RAD51B: variants seen among roughly 807,000 people sequenced by gnomAD.
RAD51B encodes DNA repair protein RAD51 homolog 2.
Under a neutral mutation model 42.2 loss-of-function variants are expected in RAD51B, and 38 were observed. The ratio of observed to expected loss-of-function variants is 0.90; its 90% CI spans 0.70 to 1.18. RAD51B has a LOEUF of 1.18. Ranked by LOEUF, RAD51B falls within the 50% of genes most tolerant of loss-of-function variation. RAD51B has a pLI of 0.00. For synonymous variants in RAD51B, 154 were observed against 145.2 expected, an observed-to-expected ratio of 1.06 and a Z score of -0.43; for missense variants, 373 against 400.7, an observed-to-expected ratio of 0.93 and a Z score of 0.59.
intron 3 of RAD51B, among the ~76,000 whole-genome samples, chr14:67,828,720 C>T (rs1237410223): frequency 6.6e-6 from 1 of 152,106 alleles, no homozygotes; most frequent in Non-Finnish European, 1.5e-5. Context: ...AGTCAGTTCT[C>T]CCAGCATCAT....
At chr14:68,278,393 A>G (rs1042255292) in intron 7 of RAD51B, among the ~76,000 whole-genome samples, 3 of 152,202 alleles carry the variant, frequency 2.0e-5, no homozygotes, top group Non-Finnish European at 2.9e-5. Flanking sequence ...TTATCCTTAA[A>G]AGAGGAATAA....
intron 8 of RAD51B, among the ~76,000 whole-genome samples, chr14:68,390,840 TAGAG>T (rs776168224): frequency 5.9e-5 from 9 of 152,326 alleles, no homozygotes; most frequent in Non-Finnish European, 1.3e-4. Context: ...CTGAGATACA[TAGAG>T]AAAGAGCGTC....
chr14:67,980,318 G>A (rs977019953), intron 7 of RAD51B, among the ~76,000 whole-genome samples: 4 of 152,126 alleles, frequency 2.6e-5, no homozygotes, highest in Non-Finnish European at 2.9e-5. Flanking sequence ...GCTGGCGGGC[G>A]CCTGTAATCC....
intron 8 of RAD51B, among the ~76,000 whole-genome samples, chr14:68,384,263 A>T (rs990757880): frequency 6.6e-6 from 1 of 152,100 alleles, no homozygotes; most frequent in Non-Finnish European, 1.5e-5. Flanking sequence ...TTTTAACCTT[A>T]TTTTCTTCCG....
At chr14:67,935,375 T>G (rs894789197) in intron 7 of RAD51B, among the ~76,000 whole-genome samples, 4 of 152,148 alleles carry the variant, frequency 2.6e-5, no homozygotes, top group African/African-American at 9.7e-5. Context: ...TTAAAAAAGT[T>G]TTTTTTTCAG....
chr14:68,596,091 T>A (rs1056412174), downstream of RAD51B: 2 of 998,234 alleles, frequency 2.0e-6, no homozygotes, highest in African/African-American at 3.4e-5. Flanking sequence ...ATTCTCCATT[T>A]TATATTGGAG....
chr14:67,825,944 G>T (rs1459817113), intron 3 of RAD51B, among the ~76,000 whole-genome samples: 1 of 151,962 alleles, frequency 6.6e-6, no homozygotes, highest in African/African-American at 2.4e-5. Flanking sequence ...TGGCCAGGCT[G>T]GTCTCAAACT....
At chr14:68,136,210 A>C (rs1304287696) in intron 7 of RAD51B, among the ~76,000 whole-genome samples, 2 of 152,320 alleles carry the variant, frequency 1.3e-5, no homozygotes, top group East Asian at 1.9e-4. Context: ...TTTAATTTTT[A>C]GTTAAATTAT....
intron 10 of RAD51B, chr14:68,469,108 C>T: frequency 1.9e-6 from 1 of 514,456 alleles, no homozygotes; most frequent in South Asian, 1.4e-5. Context: ...GAGACCCCAA[C>T]CACAGAGATG....
intron 2 of RAD51B, among the ~76,000 whole-genome samples, chr14:67,825,244 T>A (rs191668093): frequency 2.0e-5 from 3 of 152,334 alleles, no homozygotes; most frequent in Non-Finnish European, 4.4e-5. Context: ...TCCTCTGGTA[T>A]ATGCCAACTA....
intron 6 of RAD51B, 95 bp from the exon 7 acceptor site, chr14:67,886,926 G>A (rs753966480): frequency 3.7e-4 from 287 of 772,098 alleles, no homozygotes; most frequent in Non-Finnish European, 5.2e-4. Context: ...GGAAAGAATA[G>A]TTTATTGTTT....
chr14:68,330,741 T>C (rs2082331395), intron 8 of RAD51B, among the ~76,000 whole-genome samples: 1 of 152,062 alleles, frequency 6.6e-6, no homozygotes, highest in African/African-American at 2.4e-5. Flanking sequence ...AATAATAAAA[T>C]ATAGGATTTT....
chr14:68,041,563 C>A (rs1182908552), intron 7 of RAD51B, among the ~76,000 whole-genome samples: 1 of 145,752 alleles, frequency 6.9e-6, no homozygotes, highest in Non-Finnish European at 1.5e-5. Context: ...TTTATACTCT[C>A]TTTTTTTTTT....
chr14:68,550,906 TA>T (rs1428479838), intron 10 of RAD51B, among the ~76,000 whole-genome samples: 1 of 152,204 alleles, frequency 6.6e-6, no homozygotes, highest in Non-Finnish European at 1.5e-5. Flanking sequence ...GAGGCATTTA[TA>T]ACCATGAAGA....
intron 9 of RAD51B, among the ~76,000 whole-genome samples, chr14:68,434,458 C>A (rs1339133234): frequency 6.6e-6 from 1 of 152,242 alleles, no homozygotes; most frequent in South Asian, 2.1e-4. Flanking sequence ...TGCCTCTCCC[C>A]CAGCCTCGCT....
intron 7 of RAD51B, among the ~76,000 whole-genome samples, chr14:68,023,414 G>A (rs941815849): frequency 5.9e-5 from 9 of 152,034 alleles, no homozygotes; most frequent in East Asian, 5.8e-4. Flanking sequence ...TGCAACCTCC[G>A]CCTCCCAGGT....
chr14:68,443,768 C>T (rs530052480), intron 9 of RAD51B, among the ~76,000 whole-genome samples: 1 of 151,972 alleles, frequency 6.6e-6, no homozygotes, highest in Non-Finnish European at 1.5e-5. Context: ...GGGACACCAA[C>T]TTTGCCTAGC....
chr14:68,537,070 G>T (rs1887664178), intron 10 of RAD51B, among the ~76,000 whole-genome samples: 1 of 136,712 alleles, frequency 7.3e-6, no homozygotes, highest in Non-Finnish European at 1.5e-5. Context: ...TCCAGCCTGG[G>T]TGACAGAGTG....
chr14:67,864,843 A>C, intron 4 of RAD51B, 160 bp from the exon 5 acceptor site: 1 of 1,175,546 alleles, frequency 8.5e-7, no homozygotes, highest in South Asian at 1.3e-5. Flanking sequence ...AATTCATTCC[A>C]TACAATGGAT....
Sources: gnomAD v4.1 joint callset for allele counts (sites outside exome capture counted in the v4.1 genomes callset) on GRCh38, gnomAD v4.1.1 for gene constraint, MANE v1.5 for transcripts, NCBI Gene and HGNC (gene_info 2026-07-23, HGNC 2026-07-21) for gene names.